Variants in TTC17 observed in about 807,000 individuals in gnomAD.
TTC17 encodes tetratricopeptide repeat protein 17.
Under a neutral mutation model 143.8 loss-of-function variants are expected in TTC17, and 58 were observed. That is an observed-to-expected ratio of 0.40 (90% CI 0.33 to 0.50). The LOEUF (loss-of-function observed/expected upper bound fraction) is 0.50. Ranked by LOEUF, TTC17 falls within the 20% of genes least tolerant of loss-of-function variation. The pLI, the probability that TTC17 is intolerant of heterozygous loss-of-function variation, is 0.49. For synonymous variants in TTC17, 501 were observed against 497.8 expected (o/e 1.01, Z -0.09); for missense variants, 1,273 against 1,392.5 (o/e 0.91, Z 1.37).
intron 16 of TTC17, among the ~76,000 whole-genome samples, chr11:43,426,067 T>C (rs1947020594): frequency 6.6e-6 from 1 of 152,238 alleles, no homozygotes; most frequent in African/African-American, 2.4e-5. Flanking sequence ...TAGAGGTCCG[T>C]AGCAGCTGAG....
chr11:43,395,572 C>T (rs1857555282), intron 5 of TTC17: 1 of 152,164 alleles, frequency 6.6e-6, no homozygotes, highest in Admixed American at 6.5e-5. Context: ...ATGTACTGTC[C>T]TTTAACCAGC....
chr11:43,361,332 C>T (rs184887850), intron 1 of TTC17, among the ~76,000 whole-genome samples: 217 of 152,266 alleles, frequency 1.4e-3, no homozygotes, highest in African/African-American at 5.1e-3. Context: ...TAATTAAAAG[C>T]TTAGTATATA....
chr11:43,393,620 G>T (rs568369329), intron 5 of TTC17, among the ~76,000 whole-genome samples: 4 of 152,154 alleles, frequency 2.6e-5, no homozygotes, highest in Non-Finnish European at 4.4e-5. Flanking sequence ...CGAAGGACAG[G>T]GGGAGGATGG....
At chr11:43,471,741 GT>G in intron 21 of TTC17, among the ~76,000 whole-genome samples, 1 of 152,344 alleles carries the variant, frequency 6.6e-6, no homozygotes, top group South Asian at 2.1e-4. Flanking sequence ...CGTATTTTCA[GT>G]GTGTAATAGG....
chr11:43,414,099 A>C (rs1590381112), intron 15 of TTC17, among the ~76,000 whole-genome samples: 1 of 152,192 alleles, frequency 6.6e-6, no homozygotes, highest in Non-Finnish European at 1.5e-5. Context: ...CATCAGCTTA[A>C]AAAACAATGA....
intron 1 of TTC17, among the ~76,000 whole-genome samples, chr11:43,373,078 G>C (rs966062609): frequency 6.6e-6 from 1 of 152,096 alleles, no homozygotes; most frequent in Non-Finnish European, 1.5e-5. Flanking sequence ...TCTAACAGCA[G>C]ATATCTCTGA....
In TTC17 at chr11:43,489,615, C is replaced by G. The variant is rs550972015; in HGVS notation, c.3031-624C>G. On this transcript the variant is annotated intron_variant, in intron 21 of 23. Coordinates refer to ENST00000039989, the MANE Select transcript of TTC17 (RefSeq NM_018259.6). ...TAGACAGGCGTGGTGGTGCACTCCT[C>G]TAATCCCAGCTACTCGGGAGGCTGA... is the stretch of plus-strand genomic sequence containing the variant. 3.3e-5 allele frequency among the ~76,000 whole-genome samples: 5 copies of G among 151,854 alleles called. No homozygotes were observed. The East Asian group carries it at 9.7e-4, about 29-fold the overall frequency.
rs139809583 is a variant in TTC17 at position 43,407,362 on chromosome 11, C to G, written c.1849C>G (p.Pro617Ala). ...TTTTTGGATTTTTCAGCCAAATGCT[C>G]CTATCTGGCTCATACTCAATGAAGC... The part of the protein sequence containing the change: ...LFHAINKPNA[P>A]IWLILNEAGL... Residue 617 changes from proline to alanine, a missense_variant, in exon 15 of 24, where the codon CCT (proline) becomes GCT (alanine). By Grantham distance (27) the Pro-to-Ala change is conservative. This residue lies in a region of TTC17 where 878 missense variants were observed against 899.8 expected (regional missense o/e 0.98). Transcript: ENST00000039989. 2 of 1,613,336 alleles carry G rather than the reference C, an allele frequency of 1.2e-6. No individual in the cohort carries two copies. The highest frequency in any genetic ancestry group is 1.7e-6 in the Non-Finnish European group (2 of 1,179,700).
chr11:43,400,498 C>G (rs1857806991), intron 9 of TTC17, among the ~76,000 whole-genome samples: 1 of 152,096 alleles, frequency 6.6e-6, no homozygotes, highest in African/African-American at 2.4e-5. Context: ...CAAGGCCTTA[C>G]ACTAAGTGAA....
chr11:43,487,177 ACT>A (rs1408543336), intron 21 of TTC17, among the ~76,000 whole-genome samples: 3 of 151,972 alleles, frequency 2.0e-5, no homozygotes, highest in African/African-American at 7.3e-5. Context: ...ACAGAATCTC[ACT>A]CTGTCACCCA....
At chr11:43,425,842 A>G (rs1375588118) in intron 16 of TTC17, among the ~76,000 whole-genome samples, 1 of 152,204 alleles carries the variant, frequency 6.6e-6, no homozygotes, top group Non-Finnish European at 1.5e-5. Context: ...ATCACATTTC[A>G]CAGATATTGA....
At chr11:43,430,119 C>CT (rs1451344857) in intron 16 of TTC17, among the ~76,000 whole-genome samples, 6 of 152,138 alleles carry the variant, frequency 3.9e-5, no homozygotes, top group Admixed American at 3.9e-4. Context: ...GAAGCTTCGA[C>CT]TGAAGCAAGA....
intron 21 of TTC17, among the ~76,000 whole-genome samples, chr11:43,481,719 C>A (rs1307363013): frequency 6.6e-6 from 1 of 151,972 alleles, no homozygotes; most frequent in Non-Finnish European, 1.5e-5. Flanking sequence ...TAGTAATGGA[C>A]CCTCTCTTAA....
chr11:43,376,677 A>T (rs1565132713), intron 1 of TTC17, among the ~76,000 whole-genome samples: 1 of 152,216 alleles, frequency 6.6e-6, no homozygotes, highest in Non-Finnish European at 1.5e-5. Context: ...GTTGTATATG[A>T]CACAGGAGTA....
At chr11:43,428,993 A>G (rs11823690) in intron 16 of TTC17, among the ~76,000 whole-genome samples, 6,783 of 152,258 alleles carry the variant, frequency 0.045, 231 homozygotes, top group African/African-American at 0.098. Flanking sequence ...ATTCAGCAGT[A>G]ATTACTGAAT....
intron 6 of TTC17, 79 bp from the exon 7 acceptor site, chr11:43,397,268 A>C: frequency 6.7e-7 from 1 of 1,487,300 alleles, no homozygotes; most frequent in South Asian, 1.3e-5. Flanking sequence ...TTAGTTTCCT[A>C]AGCACAAGTA....
At chr11:43,392,065 G>A in intron 5 of TTC17, 113 bp downstream of exon 5, 22 of 1,277,732 alleles carry the variant, frequency 1.7e-5, no homozygotes, top group Non-Finnish European at 1.8e-5. Flanking sequence ...TCTAGAAGAC[G>A]ATTTAAAATT....
intron 21 of TTC17, among the ~76,000 whole-genome samples, chr11:43,471,268 C>T (rs1283835355): frequency 6.6e-6 from 1 of 152,154 alleles, no homozygotes; most frequent in Non-Finnish European, 1.5e-5. Flanking sequence ...AGAGTAATTC[C>T]CCTACTTTTG....
At chr11:43,367,650 T>G (rs918059551) in intron 1 of TTC17, among the ~76,000 whole-genome samples, 2 of 152,068 alleles carry the variant, frequency 1.3e-5, no homozygotes, top group African/African-American at 2.4e-5. Context: ...AGGAGCAGGG[T>G]GTAAGCTAAA....
Sources: gnomAD v4.1 joint callset for allele counts (sites outside exome capture counted in the v4.1 genomes callset) on GRCh38, gnomAD v4.1.1 for gene constraint, gnomAD v4.1.1 regional missense constraint, MANE v1.5 for transcripts, NCBI Gene and HGNC (gene_info 2026-07-23, HGNC 2026-07-21) for gene names.